The following AVPI1 variants were observed in gnomAD, a reference collection of about 807,000 sequenced individuals.
AVPI1 encodes arginine vasopressin-induced protein 1.
AVPI1 carries 9 observed loss-of-function variants against 11.9 expected under a neutral mutation model. That is an observed-to-expected ratio of 0.76 (90% CI 0.46 to 1.32). The LOEUF is 1.32. Ranked by LOEUF, AVPI1 falls within the 40% of genes most tolerant of loss-of-function variation. The pLI, the probability that AVPI1 is intolerant of heterozygous loss-of-function variation, is 0.00. For synonymous variants in AVPI1, 68 were observed against 78.1 expected, an observed-to-expected ratio of 0.87 and a Z score of 0.68; for missense variants, 207 against 195.8, an observed-to-expected ratio of 1.06 and a Z score of -0.34.
Position 97,679,716 on chromosome 10 carries a change from C to G in AVPI1, c.190G>C (p.Asp64His). 1 of 1,614,158 alleles carries G rather than the reference C, an allele frequency of 6.2e-7. No homozygotes were observed. Among genetic ancestry groups the G allele is most frequent in the Non-Finnish European group, 8.5e-7 (1 of 1,180,036 alleles). The stretch of plus-strand genomic sequence containing the variant: ...TTGAGGGCCTCAGCCACACGGTGGT[C>G]CCCTGCACATTCCCAGATGATCTGT... The part of the protein sequence containing the change: ...RAQIIWECAG[D>H]HRVAEALKRL... Residue 64 changes from aspartate (D) to histidine (H), a missense_variant, in exon 2 of 3, where the codon GAC (aspartate) becomes CAC (histidine). Asp to His is a moderately conservative substitution (Grantham distance 81, BLOSUM62 -1). Transcript: ENST00000370626.
intron 1 of AVPI1, among the ~76,000 whole-genome samples, chr10:97,682,672 T>A (rs1011471422): frequency 1.3e-5 from 2 of 152,158 alleles, no homozygotes; most frequent in Non-Finnish European, 2.9e-5. Flanking sequence ...ATCATTTCTA[T>A]GCTCACTCTG....
Position 97,677,735 on chromosome 10 carries a change from G to T in AVPI1, c.*134C>A. ...AGAAGCATCCAGTCTTGTTCTGAAT[G>T]GAGCAGGTCAGTGGCAGCAGCCTCT... is the stretch of plus-strand genomic sequence containing the variant. On this transcript the variant is annotated 3_prime_UTR_variant, in exon 3 of 3. Coordinates refer to ENST00000370626, the MANE Select transcript of AVPI1 (RefSeq NM_021732.3). 9.7e-7 allele frequency: 1 copy of T among 1,027,114 alleles called. No individual in the cohort carries two copies. Among genetic ancestry groups the T allele is most frequent in the Non-Finnish European group, 1.4e-6 (1 of 707,880 alleles). 63.6% of individuals were successfully genotyped at this position (1,027,114 alleles called of 1,614,324 possible). A position where few individuals can be genotyped will look rare whatever the true frequency, so the allele number is the denominator to read the frequency against.
At chr10:97,684,926 G>T (rs374182097) in intron 1 of AVPI1, among the ~76,000 whole-genome samples, 1 of 152,156 alleles carries the variant, frequency 6.6e-6, no homozygotes, top group African/African-American at 2.4e-5. Flanking sequence ...ATGAAATGTC[G>T]AATCAGAACA....
chr10:97,686,213 C>T (rs929615175), intron 1 of AVPI1, among the ~76,000 whole-genome samples: 7 of 152,130 alleles, frequency 4.6e-5, no homozygotes, highest in Admixed American at 2.0e-4. Flanking sequence ...CCTTCTAGTA[C>T]CTGGTATACC....
rs2041672243 is a variant in AVPI1 at position 97,677,655 on chromosome 10, C to T, written c.*214G>A. 4 of 555,154 alleles carry T rather than the reference C, an allele frequency of 7.2e-6. No individual in the cohort carries two copies. Among genetic ancestry groups the T allele is most frequent in the Non-Finnish European group, 3.2e-6 (1 of 313,636 alleles). 34.4% of individuals were successfully genotyped at this position (555,154 alleles called of 1,614,324 possible). A position where few individuals can be genotyped will look rare whatever the true frequency, so the allele number is the denominator to read the frequency against. The stretch of plus-strand genomic sequence containing the variant: ...TGGGAAGGACTGTGGCAGGAACAGT[C>T]ACTGTCTCTCCTCATTTTGGTGAGG... On this transcript the variant is annotated 3_prime_UTR_variant, in exon 3 of 3. Transcript: ENST00000370626.
intron 2 of AVPI1, among the ~76,000 whole-genome samples, chr10:97,678,956 T>A (rs1564779929): frequency 0.02 from 1,203 of 60,220 alleles, 169 homozygotes; most frequent in Middle Eastern, 0.044. Context: ...TGTGTGTGTG[T>A]GTGTGTGTGT....
At chr10:97,678,163 CCT>C in intron 2 of AVPI1, 138 bp from the exon 3 acceptor site, 1 of 933,428 alleles carries the variant, frequency 1.1e-6, no homozygotes, top group Non-Finnish European at 1.6e-6. Context: ...GGTCTTTCCC[CCT>C]CTGAGAACTG....
At chr10:97,682,367 G>A (rs1589944260) in intron 1 of AVPI1, among the ~76,000 whole-genome samples, 1 of 152,212 alleles carries the variant, frequency 6.6e-6, no homozygotes, top group African/African-American at 2.4e-5. Context: ...GCCAGCTACA[G>A]AGACAGCTGT....
intron 1 of AVPI1, among the ~76,000 whole-genome samples, chr10:97,682,875 T>C (rs2041711397): frequency 6.6e-6 from 1 of 152,218 alleles, no homozygotes; most frequent in Non-Finnish European, 1.5e-5. Flanking sequence ...CTAATCTATA[T>C]GGTAATTAAG....
intron 2 of AVPI1, among the ~76,000 whole-genome samples, chr10:97,678,846 C>A (rs1018056389): frequency 6.8e-6 from 1 of 146,972 alleles, no homozygotes; most frequent in African/African-American, 2.5e-5. Context: ...TGCCACCATG[C>A]CTGGCTAATT....
intron 1 of AVPI1, among the ~76,000 whole-genome samples, chr10:97,682,827 C>T (rs2041711195): frequency 6.6e-6 from 1 of 152,184 alleles, no homozygotes; most frequent in African/African-American, 2.4e-5. Flanking sequence ...TAAAAATCTG[C>T]CTCTCCTTAG....
intron 2 of AVPI1, 145 bp downstream of exon 2, chr10:97,679,474 G>T: frequency 9.9e-7 from 1 of 1,013,842 alleles, no homozygotes; most frequent in Non-Finnish European, 1.4e-6. Context: ...ACCAAGTGGT[G>T]ACACTGTGTA....
intron 1 of AVPI1, 21 bp from the exon 2 acceptor site, chr10:97,679,936 G>T (rs774896576): frequency 1.3e-6 from 2 of 1,520,218 alleles, no homozygotes; most frequent in South Asian, 2.5e-5. Flanking sequence ...AAAGCATGGA[G>T]ACATCATCAA....
rs1248179300 is a variant in AVPI1 at position 97,677,683 on chromosome 10, T to C, written c.*186A>G. 6.4e-6 allele frequency: 4 copies of C among 627,602 alleles called. No homozygotes were observed. The highest frequency in any genetic ancestry group is 1.1e-5 in the Non-Finnish European group (4 of 370,424). The allele number at this position is 627,602 out of a possible 1,614,324, so 38.9% of individuals were successfully genotyped here. A position where few individuals can be genotyped will look rare whatever the true frequency, so the allele number is the denominator to read the frequency against. ...TGTCTCTCCTCATTTTGGTGAGGAA[T>C]GGGTCCCACATAATGGAGAGCTCAA... On this transcript the variant is annotated 3_prime_UTR_variant, in exon 3 of 3. Coordinates refer to ENST00000370626, the MANE Select transcript of AVPI1 (RefSeq NM_021732.3).
chr10:97,678,881 GT>G (rs1317214927), intron 2 of AVPI1, among the ~76,000 whole-genome samples: 242 of 2,494 alleles, frequency 0.097, 4 homozygotes, highest in Non-Finnish European at 0.13. Flanking sequence ...CGGGGGGAGG[GT>G]GTGTGTGTGT....
At chr10:97,684,974 A>C (rs557339809) in intron 1 of AVPI1, among the ~76,000 whole-genome samples, 1 of 152,324 alleles carries the variant, frequency 6.6e-6, no homozygotes, top group South Asian at 2.1e-4. Context: ...GTCTCATTCC[A>C]TGTGTTCAAT....
chr10:97,683,319 G>A lies in AVPI1; in HGVS notation c.-10-3404C>T, dbSNP rs533528592. 4.6e-5 allele frequency among the ~76,000 whole-genome samples: 7 copies of A among 152,162 alleles called. No individual in the cohort carries two copies. The South Asian group carries it at 1.2e-3, about 27-fold the overall frequency. On this transcript the variant is annotated intron_variant, in intron 1 of 2. Transcript: ENST00000370626. Reference sequence around the variant, plus strand: ...ATTACAGGCGTCCCCCACCACTCCCGACTAATTTTTTGTATTTTTAGTAAA... The same window carrying A: ...ATTACAGGCGTCCCCCACCACTCCCAACTAATTTTTTGTATTTTTAGTAAA...
chr10:97,686,208 T>TGA (rs2041727806), intron 1 of AVPI1, among the ~76,000 whole-genome samples: 1 of 152,208 alleles, frequency 6.6e-6, no homozygotes, highest in African/African-American at 2.4e-5. Flanking sequence ...GCATTCCTTC[T>TGA]AGTACCTGGT....
rs2041735637 is a variant in AVPI1, at chr10:97,687,183, T to TCCCGGGAGAAAGCGCTCCCTAGC, written c.-451_-429dup. ...GGGCCACTTGGGTCACAGCCGCGGT[T>TCCCGGGAGAAAGCGCTCCCTAGC]CCCGGGAGAAAGCGCTCCCTAGCCC... On this transcript the variant is annotated 5_prime_UTR_variant, in exon 1 of 3. Transcript: ENST00000370626. 6.6e-6 allele frequency: 1 copy of TCCCGGGAGAAAGCGCTCCCTAGC among 152,388 alleles called. No individual in the cohort carries two copies. The highest frequency in any genetic ancestry group is 2.1e-4 in the South Asian group (1 of 4,834). 9.4% of individuals were successfully genotyped at this position (152,388 alleles called of 1,614,324 possible).
Sources: gnomAD v4.1 joint callset for allele counts (sites outside exome capture counted in the v4.1 genomes callset) on GRCh38, gnomAD v4.1.1 for gene constraint, MANE v1.5 for transcripts, NCBI Gene and HGNC (gene_info 2026-07-23, HGNC 2026-07-21) for gene names.